Variants in BLTP1 observed in about 807,000 individuals in gnomAD.
The protein encoded by BLTP1 is bridge-like lipid transfer protein family member 1.
chr4:122,353,719 T>G, the BLTP1 span: 23 of 1,389,176 alleles, frequency 1.7e-5, no homozygotes, highest in African/African-American at 3.2e-4. This position sits in a 1 kb window ranked among gnomAD's most constrained non-coding sequence, Gnocchi z 4.3. Flanking sequence ...CCTTCCTATA[T>G]ATGACAACTG....
the BLTP1 span, chr4:122,280,103 C>A: frequency 6.5e-7 from 1 of 1,539,188 alleles, no homozygotes; most frequent in South Asian, 1.2e-5. Context: ...CCATTATGGA[C>A]AGTGGAGCAA....
chr4:122,266,902 A>G, the BLTP1 span: 5 of 1,610,594 alleles, frequency 3.1e-6, no homozygotes, highest in Non-Finnish European at 3.4e-6. Context: ...ACTGCCTCAG[A>G]GCAGATATTG....
At chr4:122,280,011 G>A in the BLTP1 span, 1 of 1,612,846 alleles carries the variant, frequency 6.2e-7, no homozygotes, top group Non-Finnish European at 8.5e-7. Flanking sequence ...CACATTCTGT[G>A]ATTCCATATA....
At chr4:122,175,269 A>G in the BLTP1 span, 39 of 984,782 alleles carry the variant, frequency 4.0e-5, no homozygotes, top group East Asian at 4.5e-4. Context: ...GACAACTTCT[A>G]TACTAGTCTA....
chr4:122,204,670 A>G, the BLTP1 span: 2 of 686,440 alleles, frequency 2.9e-6, no homozygotes, highest in African/African-American at 2.0e-5. Flanking sequence ...TGAATGAGTG[A>G]AAAAGGTGAG....
At chr4:122,257,577 G>GT in the BLTP1 span, 1 of 1,298,362 alleles carries the variant, frequency 7.7e-7, no homozygotes, top group Non-Finnish European at 1.1e-6. Context: ...ATTACTGTAT[G>GT]TTTTTTGCTT....
the BLTP1 span, chr4:122,343,356 G>T: frequency 1.2e-6 from 2 of 1,601,106 alleles, no homozygotes; most frequent in South Asian, 2.2e-5. Flanking sequence ...ACATATTATT[G>T]ACTGGCCTTT....
chr4:122,228,700 T>TTGTGTGTG, the BLTP1 span, among the ~76,000 whole-genome samples: 1 of 151,162 alleles, frequency 6.6e-6, no homozygotes, highest in South Asian at 2.1e-4. Context: ...CTTAGTGAAT[T>TTGTGTGTG]TGTGTGTGTG....
chr4:122,241,460 C>T, the BLTP1 span, among the ~76,000 whole-genome samples: 4 of 152,092 alleles, frequency 2.6e-5, no homozygotes, highest in South Asian at 6.2e-4. Flanking sequence ...TTGAATACTA[C>T]GTAGAATTGA....
chr4:122,272,060 T>A, the BLTP1 span: 2 of 1,402,772 alleles, frequency 1.4e-6, no homozygotes, highest in African/African-American at 2.9e-5. Flanking sequence ...AGAGGACTGG[T>A]TGGGAATGTG....
chr4:122,278,736 A>C, the BLTP1 span, among the ~76,000 whole-genome samples: 1 of 152,140 alleles, frequency 6.6e-6, no homozygotes, highest in Admixed American at 6.5e-5. Flanking sequence ...GGTTCACGCA[A>C]TCCTCCCACC....
chr4:122,315,687 C>G, the BLTP1 span: 1 of 1,613,840 alleles, frequency 6.2e-7, no homozygotes, highest in Non-Finnish European at 8.5e-7. Flanking sequence ...ACTATCCATA[C>G]TGTAAGTAAA....
At chr4:122,277,644 G>A in the BLTP1 span, 1 of 961,384 alleles carries the variant, frequency 1.0e-6, no homozygotes, top group Non-Finnish European at 1.2e-6. Flanking sequence ...TAATAGCCTT[G>A]CTCATTATGA....
the BLTP1 span, chr4:122,180,020 G>A: frequency 1.1e-6 from 1 of 947,560 alleles, no homozygotes; most frequent in Non-Finnish European, 1.2e-6. Flanking sequence ...ATATACACGT[G>A]CATGTACACA....
At chr4:122,230,081 G>A in the BLTP1 span, 6 of 1,614,162 alleles carry the variant, frequency 3.7e-6, no homozygotes, top group African/African-American at 2.7e-5. Flanking sequence ...GCTACGGAGG[G>A]CCTATTGGCT....
At chr4:122,208,523 A>G in the BLTP1 span, 2 of 947,164 alleles carry the variant, frequency 2.1e-6, no homozygotes, top group Non-Finnish European at 2.5e-6. Flanking sequence ...AGACAATACT[A>G]TCTGAAAAAT....
the BLTP1 span, chr4:122,263,216 G>A: frequency 1.0e-6 from 1 of 985,118 alleles, no homozygotes; most frequent in East Asian, 1.1e-4. Flanking sequence ...TAGGCATTTG[G>A]TGTGGGGTAC....
chr4:122,300,984 A>T, the BLTP1 span: 1 of 982,372 alleles, frequency 1.0e-6, no homozygotes, highest in African/African-American at 1.8e-5. Flanking sequence ...CAGAATTCAC[A>T]TTATTAGTTG....
chr4:122,319,898 TC>T, the BLTP1 span, among the ~76,000 whole-genome samples: 28 of 152,098 alleles, frequency 1.8e-4, no homozygotes, highest in African/African-American at 9.7e-5. Flanking sequence ...ATGTGGTCTC[TC>T]TTGGTGAAAG....
Sources: allele counts gnomAD v4.1 joint callset (sites outside exome capture counted in the v4.1 genomes callset), GRCh38; gene constraint gnomAD v4.1.1; non-coding constraint Gnocchi (gnomAD v3.1); transcripts MANE v1.5; gene names NCBI Gene and HGNC (gene_info 2026-07-23, HGNC 2026-07-21).